Variants in ZNF18 observed in about 807,000 individuals in gnomAD.
The protein encoded by ZNF18 is heart development-specific gene 1 protein.
A neutral mutation model predicts 58.1 loss-of-function variants in ZNF18; 42 were observed. That is an observed-to-expected ratio of 0.72 (90% CI 0.56 to 0.93). ZNF18 has a LOEUF of 0.93. Among genes scored for constraint, ZNF18 ranks in the 40% least tolerant of loss-of-function variants. The pLI is 0.00. For synonymous variants in ZNF18, 231 were observed against 239.8 expected (o/e 0.96, Z 0.34); for missense variants, 540 against 644.2 (o/e 0.84, Z 1.75).
intron 1 of ZNF18, among the ~76,000 whole-genome samples, chr17:11,994,129 TA>T (rs536877387): frequency 3.4e-4 from 51 of 152,178 alleles, no homozygotes; most frequent in African/African-American, 1.1e-3. Context: ...CAGCAATTTT[TA>T]AAAAAAGATA....
chr17:11,994,323 C>T (rs575954203), intron 1 of ZNF18, among the ~76,000 whole-genome samples: 33 of 151,634 alleles, frequency 2.2e-4, no homozygotes, highest in African/African-American at 7.0e-4. Context: ...TTTCAAGGGC[C>T]TGAGAAAGGA....
chr17:12,020,501 T>C, the ZNF18 span, among the ~76,000 whole-genome samples: 1 of 152,204 alleles, frequency 6.6e-6, no homozygotes, highest in Non-Finnish European at 1.5e-5. Context: ...TTTACTATTC[T>C]GATTTGGGGT....
chr17:11,988,774 A>G (rs1336665615), intron 4 of ZNF18, among the ~76,000 whole-genome samples: 2 of 152,184 alleles, frequency 1.3e-5, no homozygotes, highest in African/African-American at 4.8e-5. Flanking sequence ...CATTTATAGT[A>G]ATACAAAAAT....
chr17:12,015,375 C>A, the ZNF18 span, among the ~76,000 whole-genome samples: 1 of 152,142 alleles, frequency 6.6e-6, no homozygotes, highest in Admixed American at 6.5e-5. Context: ...TTCAATAAGT[C>A]ATTATTTTTA....
chr17:11,988,349 A>G (rs149129770), intron 4 of ZNF18, among the ~76,000 whole-genome samples: 8 of 152,348 alleles, frequency 5.3e-5, no homozygotes, highest in Admixed American at 3.3e-4. Flanking sequence ...TCCAGGCAGC[A>G]GCACAGGAAG....
the ZNF18 span, chr17:12,020,902 C>T: frequency 1.6e-6 from 2 of 1,216,420 alleles, no homozygotes; most frequent in Non-Finnish European, 2.0e-6. Flanking sequence ...GGCTCCGAGC[C>T]CGAGCGGCGG....
chr17:12,014,819 G>A, the ZNF18 span, among the ~76,000 whole-genome samples: 4 of 152,176 alleles, frequency 2.6e-5, no homozygotes, highest in East Asian at 5.8e-4. Flanking sequence ...GGGAGGCCGA[G>A]GCAGGCGGAT....
At chr17:11,990,637 G>T (rs1460021821) in intron 3 of ZNF18, 87 bp from the exon 4 acceptor site, 1 of 1,044,988 alleles carries the variant, frequency 9.6e-7, no homozygotes. Context: ...TCACAAATCA[G>T]AACAATACCT....
chr17:11,991,713 G>C (rs181113328), intron 2 of ZNF18, among the ~76,000 whole-genome samples: 6 of 152,292 alleles, frequency 3.9e-5, no homozygotes, highest in Non-Finnish European at 8.8e-5. Context: ...AACCACACCT[G>C]AGTTTATGCT....
In ZNF18 at chr17:11,978,532, G is replaced by A. The variant is rs1967132944; in HGVS notation, c.1075C>T (p.Leu359=). 1.2e-6 allele frequency: 2 copies of A among 1,611,922 alleles called. No homozygotes were observed. Among genetic ancestry groups the A allele is most frequent in the Admixed American group, 1.7e-5 (1 of 59,504 alleles). Residue 359 remains leucine, a synonymous_variant, in exon 7 of 7, where the codon CTG becomes TTG. Coordinates refer to ENST00000580306, the MANE Select transcript of ZNF18 (RefSeq NM_001303281.2). The part of the protein sequence containing the change: ...NIQDEGTGEQ[L]SPQERISEKQ... ...TCAGAAATCCTTTCTTGAGGAGACA[G>A]CTGTTCCCCTGTTCCCTCATCCTGA...
chr17:12,003,123 C>G, the ZNF18 span, among the ~76,000 whole-genome samples: 1 of 152,146 alleles, frequency 6.6e-6, no homozygotes, highest in Non-Finnish European at 1.5e-5. Context: ...TACTAACATA[C>G]ATCACGTTTT....
At chr17:12,009,375 A>G in the ZNF18 span, among the ~76,000 whole-genome samples, 1 of 151,812 alleles carries the variant, frequency 6.6e-6, no homozygotes, top group South Asian at 2.1e-4. Flanking sequence ...TTGGACCTCT[A>G]GAAAACAGGG....
intron 4 of ZNF18, 78 bp from the exon 5 acceptor site, chr17:11,984,275 G>A (rs1967581526): frequency 7.2e-7 from 1 of 1,383,618 alleles, no homozygotes; most frequent in African/African-American, 1.5e-5. Context: ...CTGCCTAAAG[G>A]AAAGCTGAGA....
Position 11,995,270 on chromosome 17 carries a change from G to GTGA in ZNF18, c.-83+2160_-83+2161insTCA, listed in dbSNP as rs146442158. On this transcript the variant is annotated intron_variant, in intron 1 of 6. Coordinates refer to ENST00000580306, the MANE Select transcript of ZNF18 (RefSeq NM_001303281.2). ...CTAAAAATACAAAAATTAACCGGGC[G>GTGA]TGGTGGTGAATGCCTGTAATCCCAG... 3.2e-4 allele frequency among the ~76,000 whole-genome samples: 3 copies of GTGA among 9,516 alleles called. No homozygotes were observed. In the Non-Finnish European group the frequency reaches 0.048, roughly 153 times the overall value. The allele number at this position is 9,516 out of a possible 152,430, so 6.2% of individuals were successfully genotyped here. A position where few individuals can be genotyped will look rare whatever the true frequency, so the allele number is the denominator to read the frequency against.
chr17:11,987,924 C>T (rs1967858549), intron 4 of ZNF18, among the ~76,000 whole-genome samples: 1 of 152,166 alleles, frequency 6.6e-6, no homozygotes, highest in Non-Finnish European at 1.5e-5. Flanking sequence ...AGCTGAAGCT[C>T]AGACCCTGGT....
the ZNF18 span, among the ~76,000 whole-genome samples, chr17:12,007,995 A>G: frequency 3.3e-5 from 5 of 152,144 alleles, no homozygotes; most frequent in African/African-American, 1.2e-4. Context: ...GAAAGAAAAT[A>G]AAGTTAATCA....
At chr17:12,020,952 C>T in the ZNF18 span, 2 of 1,217,006 alleles carry the variant, frequency 1.6e-6, no homozygotes. Flanking sequence ...GCACCCCCGG[C>T]CCCGTAGGGT....
the ZNF18 span, among the ~76,000 whole-genome samples, chr17:12,015,795 CT>C: frequency 4.3e-4 from 63 of 146,218 alleles, no homozygotes; most frequent in Admixed American, 5.5e-4. Context: ...ATTTGTATTC[CT>C]TTTTTTTTTT....
Position 11,978,539 on chromosome 17 carries a change from C to T in ZNF18, c.1068G>A (p.Gly356=), listed in dbSNP as rs1967133679. 2.5e-6 allele frequency: 4 copies of T among 1,612,584 alleles called. No individual in the cohort carries two copies. The highest frequency in any genetic ancestry group is 3.4e-6 in the Non-Finnish European group (4 of 1,179,486). Residue 356 remains glycine (G), a synonymous_variant, in exon 7 of 7, where the codon GGG becomes GGA. Coordinates refer to ENST00000580306, the MANE Select transcript of ZNF18 (RefSeq NM_001303281.2). ...ALQNIQDEGT[G]EQLSPQERIS... ...TCCTTTCTTGAGGAGACAGCTGTTC[C>T]CCTGTTCCCTCATCCTGAATGTTTT... is the stretch of plus-strand genomic sequence containing the variant.
Sources: allele counts gnomAD v4.1 joint callset (sites outside exome capture counted in the v4.1 genomes callset), GRCh38; gene constraint gnomAD v4.1.1; transcripts MANE v1.5; gene names NCBI Gene and HGNC (gene_info 2026-07-23, HGNC 2026-07-21).